Variants in VPS4B observed in about 807,000 individuals in gnomAD.
VPS4B encodes vacuolar protein sorting-associated protein 4B.
VPS4B carries 23 observed loss-of-function variants against 56.1 expected under a neutral mutation model. The ratio of observed to expected loss-of-function variants is 0.41; its 90% confidence interval spans 0.30 to 0.58. VPS4B has a LOEUF of 0.58. VPS4B is among the 20% of genes least tolerant of loss of function. The pLI is 0.29. For missense variants in VPS4B, 372 were observed against 531.9 expected, an observed-to-expected ratio of 0.70 and a Z score of 2.96; for synonymous variants, 177 against 186.0, an observed-to-expected ratio of 0.95 and a Z score of 0.39.
At chr18:63,398,202 CACAT>C (rs1226081517) in intron 8 of VPS4B, among the ~76,000 whole-genome samples, 4 of 96,286 alleles carry the variant, frequency 4.2e-5, no homozygotes, top group Non-Finnish European at 5.9e-5. Context: ...CACACACACA[CACAT>C]ATATATATAT....
rs1315307604 is a variant in VPS4B at position 63,390,612 on chromosome 18, C to T, written c.*363G>A. 1 of 153,894 alleles carries T rather than the reference C, an allele frequency of 6.5e-6. No individual in the cohort carries two copies. Among genetic ancestry groups the T allele is most frequent in the Non-Finnish European group, 1.4e-5 (1 of 69,338 alleles). The allele number at this position is 153,894 out of a possible 1,614,324, so 9.5% of individuals were successfully genotyped here. A position where few individuals can be genotyped will look rare whatever the true frequency, so the allele number is the denominator to read the frequency against. On this transcript the variant is annotated 3_prime_UTR_variant, in exon 11 of 11. Coordinates refer to ENST00000238497, the MANE Select transcript of VPS4B (RefSeq NM_004869.4). ...TTTTTTTGAAAATATAAAATAAACC[C>T]TATATCATTTTAGTAAAAAAAAAAG... is the stretch of plus-strand genomic sequence containing the variant.
chr18:63,407,300 G>A, intron 4 of VPS4B, 132 bp downstream of exon 4: 2 of 758,502 alleles, frequency 2.6e-6, no homozygotes, highest in Non-Finnish European at 4.3e-6. Flanking sequence ...GCCAGCACAT[G>A]ACTATTGGGA....
intron 1 of VPS4B, among the ~76,000 whole-genome samples, chr18:63,412,921 A>G (rs1346595722): frequency 2.0e-5 from 3 of 152,188 alleles, no homozygotes; most frequent in African/African-American, 7.2e-5. Flanking sequence ...AAGAAAAAAA[A>G]AGGTAACTGG....
In VPS4B at chr18:63,411,507, G is replaced by A. The variant is rs1448106302; in HGVS notation, c.99C>T (p.Leu33=). ...GAAAATACTGCACAGCATGCTGATA[G>A]AGCTGAAGGGCTTCTTCGTAGTTCC... ...KAGNYEEALQ[L]YQHAVQYFLH... Residue 33 remains leucine, a synonymous_variant, in exon 2 of 11, where the codon CTC becomes CTT. Coordinates refer to ENST00000238497, the MANE Select transcript of VPS4B (RefSeq NM_004869.4). 5.0e-6 allele frequency: 8 copies of A among 1,603,846 alleles called. No individual in the cohort carries two copies. Among genetic ancestry groups the A allele is most frequent in the Admixed American group, 1.7e-5 (1 of 58,546 alleles).
intron 4 of VPS4B, 143 bp from the exon 5 acceptor site, chr18:63,403,969 C>G: frequency 1.1e-6 from 1 of 933,200 alleles, no homozygotes; most frequent in East Asian, 2.8e-5. Context: ...ATAGCGTGAG[C>G]AGGAAGCAGG....
At chr18:63,396,920 G>A (rs1915681917) in intron 9 of VPS4B, 114 bp downstream of exon 9, 1 of 961,048 alleles carries the variant, frequency 1.0e-6, no homozygotes, top group African/African-American at 1.7e-5. Flanking sequence ...AACCCGGGAG[G>A]CGGAGGTTGC....
chr18:63,396,006 C>T (rs894544488), intron 9 of VPS4B, among the ~76,000 whole-genome samples: 1 of 152,040 alleles, frequency 6.6e-6, no homozygotes, highest in Non-Finnish European at 1.5e-5. Flanking sequence ...TTTGTGAAGA[C>T]CAAATGAAAT....
Position 63,420,393 on chromosome 18 carries a change from C to T in VPS4B, c.27+1840G>A, listed in dbSNP as rs1208051199. Reference sequence around the variant, plus strand: ...AACCTGGGAGGTGGAGGTTGCAGTGCGCCAAGATCACGCCACTGCACTCCA... The same window carrying T: ...AACCTGGGAGGTGGAGGTTGCAGTGTGCCAAGATCACGCCACTGCACTCCA... On this transcript the variant is annotated intron_variant, in intron 1 of 10. Transcript: ENST00000238497. Among the ~76,000 whole-genome samples, 3 of 151,652 alleles carry T rather than the reference C, an allele frequency of 2.0e-5. No homozygotes were observed. In the East Asian group the frequency reaches 5.8e-4, roughly 30 times the overall value.
At chr18:63,392,576 G>A (rs995376760) in intron 10 of VPS4B, among the ~76,000 whole-genome samples, 1 of 149,628 alleles carries the variant, frequency 6.7e-6, no homozygotes, top group African/African-American at 2.5e-5. Flanking sequence ...AGCCTCCCAA[G>A]TAGCTGGGAC....
At chr18:63,413,709 T>C (rs945483745) in intron 1 of VPS4B, among the ~76,000 whole-genome samples, 3 of 152,052 alleles carry the variant, frequency 2.0e-5, no homozygotes, top group African/African-American at 4.8e-5. Context: ...AAAGTAAGTA[T>C]ATAACATAAG....
chr18:63,402,418 G>C (rs1915831691), intron 5 of VPS4B, among the ~76,000 whole-genome samples: 1 of 152,180 alleles, frequency 6.6e-6, no homozygotes, highest in African/African-American at 2.4e-5. Context: ...GGAGGAATGA[G>C]GCAGAAGGCT....
At chr18:63,421,180 T>TAGGTCG (rs1426719715) in intron 1 of VPS4B, among the ~76,000 whole-genome samples, 1 of 152,184 alleles carries the variant, frequency 6.6e-6, no homozygotes, top group East Asian at 1.9e-4. Flanking sequence ...AATAATCTTC[T>TAGGTCG]AGGTCGATTT....
chr18:63,420,773 C>T (rs1346430914), intron 1 of VPS4B, among the ~76,000 whole-genome samples: 2 of 152,106 alleles, frequency 1.3e-5, no homozygotes, highest in Non-Finnish European at 2.9e-5. Flanking sequence ...GGCACGGTGA[C>T]TCACGCCTGT....
intron 10 of VPS4B, 78 bp downstream of exon 10, chr18:63,393,331 C>T: frequency 1.5e-6 from 2 of 1,336,784 alleles, no homozygotes; most frequent in Admixed American, 2.8e-5. Flanking sequence ...TAAGATTTTC[C>T]AGCAAATCTT....
intron 4 of VPS4B, among the ~76,000 whole-genome samples, chr18:63,405,911 A>C (rs554383482): frequency 1.9e-4 from 29 of 152,176 alleles, no homozygotes; most frequent in African/African-American, 7.0e-4. Flanking sequence ...CCTGGAACCC[A>C]GGAGTTCGAG....
chr18:63,410,300 C>G lies in VPS4B; in HGVS notation c.286G>C (p.Asp96His). 6.2e-7 allele frequency: 1 copy of G among 1,613,850 alleles called. No individual in the cohort carries two copies. The highest frequency in any genetic ancestry group is 8.5e-7 in the Non-Finnish European group (1 of 1,179,982). Residue 96 changes from aspartate to histidine, a missense_variant, in exon 3 of 11, where the codon GAT (aspartate) becomes CAT (histidine). This residue lies in a region of VPS4B where 153 missense variants were observed against 190.3 expected (regional missense o/e 0.80). Transcript: ENST00000238497. ...PVKEGQPSPA[D>H]EKGNDSDGEG... Reference sequence around the variant, plus strand: ...ATTTTAAACACGTACCCCTTCTCATCTGCTGGACTCGGCTGTCCTTCTTTC... The same window carrying G: ...ATTTTAAACACGTACCCCTTCTCATGTGCTGGACTCGGCTGTCCTTCTTTC...
intron 1 of VPS4B, among the ~76,000 whole-genome samples, chr18:63,414,284 C>T (rs978229756): frequency 4.7e-5 from 7 of 147,780 alleles, no homozygotes; most frequent in Non-Finnish European, 8.9e-5. Context: ...TCAGGAGAAT[C>T]GCTTGAATCC....
At chr18:63,407,839 A>G (rs976332531) in intron 3 of VPS4B, among the ~76,000 whole-genome samples, 1 of 152,196 alleles carries the variant, frequency 6.6e-6, no homozygotes, top group African/African-American at 2.4e-5. Flanking sequence ...AGAGCTGCAA[A>G]CAACAACAGT....
chr18:63,421,070 GAAA>G (rs1420456694), intron 1 of VPS4B, among the ~76,000 whole-genome samples: 2 of 150,892 alleles, frequency 1.3e-5, no homozygotes, highest in East Asian at 3.9e-4. Context: ...AAAAGAAAAG[GAAA>G]AAAACACAGA....
Sources: allele counts gnomAD v4.1 joint callset (sites outside exome capture counted in the v4.1 genomes callset), GRCh38; gene constraint gnomAD v4.1.1; regional missense constraint gnomAD v4.1.1; transcripts MANE v1.5; gene names NCBI Gene and HGNC (gene_info 2026-07-23, HGNC 2026-07-21).